ACSM2B: variants seen among roughly 807,000 people sequenced by gnomAD.
ACSM2B encodes acyl-CoA synthetase medium chain family member 2B.
A neutral mutation model predicts 78.6 loss-of-function variants in ACSM2B; 58 were observed. That is an observed-to-expected ratio of 0.74 (90% CI 0.60 to 0.92). The LOEUF (loss-of-function observed/expected upper bound fraction) is 0.92. Ranked by LOEUF, ACSM2B falls within the 40% of genes least tolerant of loss-of-function variation. The pLI is 0.00. For missense variants in ACSM2B, 688 were observed against 711.2 expected, an observed-to-expected ratio of 0.97 and a Z score of 0.37; for synonymous variants, 257 against 256.8, an observed-to-expected ratio of 1.00 and a Z score of -0.01.
rs775811696 is a variant in ACSM2B, at chr16:20,543,292, T to C, written c.1282-30A>G. ...TGACCACAGAAAGACAGAGTCATTG[T>C]GCCTGCAAAGCCTAAATCCCCTGCC... On this transcript the variant is annotated intron_variant, in intron 10 of 13. Coordinates refer to ENST00000329697, the MANE Select transcript of ACSM2B (RefSeq NM_001105069.2). 67 of 1,613,170 alleles carry C rather than the reference T, an allele frequency of 4.2e-5. No individual in the cohort carries two copies. The Admixed American group carries it at 9.7e-4, about 23-fold the overall frequency.
At position 20,543,762 on chromosome 16, in the gene ACSM2B, A is replaced by G. The variant is rs933983861; in HGVS notation, c.1282-500T>C. Among the ~76,000 whole-genome samples, 6 of 152,106 alleles carry G rather than the reference A, an allele frequency of 3.9e-5. 1 individual carries two copies. Among genetic ancestry groups the G allele is most frequent in the Non-Finnish European group, 4.4e-5 (3 of 68,038 alleles). Reference sequence around the variant, plus strand: ...CTATTCAGCTGAGGCACTTGCTTATAAGTAATGAAAAGGCTTGAGCTTTAT... The same window carrying G: ...CTATTCAGCTGAGGCACTTGCTTATGAGTAATGAAAAGGCTTGAGCTTTAT... On this transcript the variant is annotated intron_variant, in intron 10 of 13. Coordinates refer to ENST00000329697, the MANE Select transcript of ACSM2B (RefSeq NM_001105069.2).
rs756798470 is a variant in ACSM2B, at chr16:20,548,163, T to C, written c.997A>G (p.Asn333Asp). 4.3e-6 allele frequency: 7 copies of C among 1,613,876 alleles called. No homozygotes were observed. Among genetic ancestry groups the C allele is most frequent in the Non-Finnish European group, 4.2e-6 (5 of 1,179,938 alleles). Residue 333 changes from asparagine to aspartate, a missense_variant, in exon 8 of 14, where the codon AAC becomes GAC. By Grantham distance (23) the Asn-to-Asp change is conservative. Transcript: ENST00000329697. ...LSSYKFPHLQ[N>D]CLAGGESLLP... ...AGGGACTCCCCTCCAGCGAGGCAGT[T>C]CTGTAGATGGGGGAACTTGTAACTG...
chr16:20,566,767 AG>A (rs2015903083), intron 1 of ACSM2B, among the ~76,000 whole-genome samples: 1 of 47,170 alleles, frequency 2.1e-5, no homozygotes, highest in African/African-American at 7.2e-5. Context: ...TAGTATATAT[AG>A]ATATATAGAT....
Position 20,548,458 on chromosome 16 carries a change from G to T in ACSM2B, c.910C>A (p.Pro304Thr), listed in dbSNP as rs772229711. 1.5e-5 allele frequency: 25 copies of T among 1,613,592 alleles called. No homozygotes were observed. Among genetic ancestry groups the T allele is most frequent in the Non-Finnish European group, 2.1e-5 (25 of 1,179,696 alleles). The change falls in exon 7 of 14, where the codon CCA (proline) becomes ACA (threonine). Residue 304 changes from proline (P) to threonine (T), a missense_variant. By Grantham distance (38) the Pro-to-Thr change is conservative (BLOSUM62 -1). Coordinates refer to ENST00000329697, the MANE Select transcript of ACSM2B (RefSeq NM_001105069.2). ...GGGGCACCCATCATACTCTTGATTG[G>T]ATAACTGGAGAGTGTCTGGAAGACA... is the stretch of plus-strand genomic sequence containing the variant. ...LVILKTLSSYPIKSMMGAPIV... is the reference protein window; with the variant it reads ...LVILKTLSSYTIKSMMGAPIV...
chr16:20,543,927 A>G (rs2015067943), intron 10 of ACSM2B, among the ~76,000 whole-genome samples: 1 of 152,218 alleles, frequency 6.6e-6, no homozygotes, highest in Admixed American at 6.5e-5. Flanking sequence ...GATACTGATG[A>G]TCAGAGACAT....
chr16:20,559,388 T>C lies in ACSM2B; in HGVS notation c.237A>G (p.Leu79=). The C allele has an allele frequency of 6.2e-7, 1 of 1,612,862 alleles. No homozygotes were observed. The highest frequency in any genetic ancestry group is 1.7e-5 in the Admixed American group (1 of 59,954). ...CACTCAGTTCTCTGAAATTCCACAT[T>C]AATTCCTTCCCCTTCCCATTCACCC... ...LWWVNGKGKE[L]MWNFRELSEN... The change falls in exon 3 of 14, where the codon TTA becomes TTG. Residue 79 remains leucine, a synonymous_variant. Coordinates refer to ENST00000329697, the MANE Select transcript of ACSM2B (RefSeq NM_001105069.2).
rs2015900255 is a variant in ACSM2B at position 20,566,758 on chromosome 16, AG to A, written c.-8-1906del. On this transcript the variant is annotated intron_variant, in intron 1 of 13. Coordinates refer to ENST00000329697, the MANE Select transcript of ACSM2B (RefSeq NM_001105069.2). Reference sequence around the variant, plus strand: ...AGTATATACTATATATACTATATATAGTATATATAGATATATAGATACAATA... The same window carrying A: ...AGTATATACTATATATACTATATATATATATATAGATATATAGATACAATA... 1.1e-4 allele frequency among the ~76,000 whole-genome samples: 10 copies of A among 87,454 alleles called. 2 individuals are homozygous for A. In the South Asian group the frequency reaches 2.6e-3, roughly 23 times the overall value. The allele number at this position is 87,454 out of a possible 152,430, so 57.4% of individuals were successfully genotyped here.
rs139822318 is a variant in ACSM2B, at chr16:20,573,172, T to A, written c.-9+3035A>T. Among the ~76,000 whole-genome samples, 128 of 152,034 alleles carry A rather than the reference T, an allele frequency of 8.4e-4. 2 individuals carry two copies. In the East Asian group the frequency reaches 0.024, roughly 29 times the overall value. The stretch of plus-strand genomic sequence containing the variant: ...TATCATATTCCCAGAATCGTTTTCC[T>A]GGTTCCTTCTCATTTGGGTAGGCTA... On this transcript the variant is annotated intron_variant, in intron 1 of 13. Coordinates refer to ENST00000329697, the MANE Select transcript of ACSM2B (RefSeq NM_001105069.2).
Position 20,574,225 on chromosome 16 carries a change from C to T in ACSM2B, c.-9+1982G>A, listed in dbSNP as rs966226995. ...TTTCTGCAAGAAGAAAAATATGGCT[C>T]TATTCTGCCCGACCCCGCAGGCAGT... On this transcript the variant is annotated intron_variant, in intron 1 of 13. Transcript: ENST00000329697. 6 of 152,020 alleles carry T rather than the reference C, an allele frequency of 3.9e-5. No individual in the cohort carries two copies. In the South Asian group the frequency reaches 6.2e-4, roughly 16 times the overall value. 9.4% of individuals were successfully genotyped at this position (152,020 alleles called of 1,614,324 possible).
chr16:20,542,726 T>C, intron 12 of ACSM2B, 188 bp downstream of exon 12: 1 of 700,896 alleles, frequency 1.4e-6, no homozygotes, highest in Non-Finnish European at 2.4e-6. Context: ...CAATCCCTCA[T>C]CTTACAGATG....
At position 20,537,237 on chromosome 16, in the gene ACSM2B, A is replaced by G. The variant is rs368105565; in HGVS notation, c.*21T>C. On this transcript the variant is annotated 3_prime_UTR_variant, in exon 14 of 14. Coordinates refer to ENST00000329697, the MANE Select transcript of ACSM2B (RefSeq NM_001105069.2). The stretch of plus-strand genomic sequence containing the variant: ...GAAAGAGAAAGAAGAGGGGAATCCA[A>G]ATGAATGTCTCCTAGACGCCTCACT... 1.1e-4 allele frequency: 182 copies of G among 1,612,862 alleles called. 1 individual carries two copies. The highest frequency in any genetic ancestry group is 1.5e-4 in the Non-Finnish European group (173 of 1,178,992).
chr16:20,547,407 G>A (rs2015173269), intron 8 of ACSM2B: 3 of 985,110 alleles, frequency 3.0e-6, no homozygotes, highest in South Asian at 9.4e-5. Flanking sequence ...GCTAAAGAAG[G>A]ATGCAGGGTA....
chr16:20,546,863 G>T (rs1282031328), intron 8 of ACSM2B: 1 of 176,970 alleles, frequency 5.7e-6, no homozygotes, highest in Non-Finnish European at 1.1e-5. Context: ...AATTTTTGTG[G>T]TGTATCTATT....
intron 2 of ACSM2B, 88 bp from the exon 3 acceptor site, chr16:20,559,535 G>C (rs2015583307): frequency 6.7e-7 from 1 of 1,487,932 alleles, no homozygotes; most frequent in Non-Finnish European, 9.0e-7. Flanking sequence ...CCAAGCTGGT[G>C]CTTAGTAAGG....
intron 9 of ACSM2B, 126 bp from the exon 10 acceptor site, chr16:20,545,384 C>A: frequency 8.7e-7 from 1 of 1,149,522 alleles, no homozygotes; most frequent in Non-Finnish European, 1.2e-6. Context: ...AAACGACAAC[C>A]AAAAACCAAG....
At position 20,544,979 on chromosome 16, in the gene ACSM2B, T is replaced by C. The variant is rs549900426; in HGVS notation, c.1281+178A>G. On this transcript the variant is annotated intron_variant, in intron 10 of 13. Transcript: ENST00000329697. ...TGAGATCACAGTGATAGGCTGAGGA[T>C]GGCAAGGCTGAATAGCCACTTTTCT... Among the ~76,000 whole-genome samples, 70 of 152,320 alleles carry C rather than the reference T, an allele frequency of 4.6e-4. No homozygotes were observed. The Middle Eastern group carries it at 0.01, about 22-fold the overall frequency.
intron 2 of ACSM2B, among the ~76,000 whole-genome samples, chr16:20,562,857 A>G (rs2015704560): frequency 6.6e-6 from 1 of 152,200 alleles, no homozygotes. Context: ...GATATTTTCC[A>G]GACATTTGCA....
In ACSM2B at chr16:20,555,384, C is replaced by A; in HGVS notation, c.481G>T (p.Asp161Tyr). 6.2e-7 allele frequency: 1 copy of A among 1,613,896 alleles called. No homozygotes were observed. The highest frequency in any genetic ancestry group is 8.5e-7 in the Non-Finnish European group (1 of 1,179,840). ...GTGTCCACTTCTTGGATGACTTCAT[C>A]CCCAGCAACAATAGCCTTGGCCTTA... The part of the protein sequence containing the change: ...MSKAKAIVAG[D>Y]EVIQEVDTVA... Residue 161 changes from aspartate (D) to tyrosine (Y), a missense_variant, in exon 4 of 14, where the codon GAT becomes TAT. Coordinates refer to ENST00000329697, the MANE Select transcript of ACSM2B (RefSeq NM_001105069.2).
At chr16:20,553,461 T>C (rs182164295) in intron 5 of ACSM2B, among the ~76,000 whole-genome samples, 1 of 152,308 alleles carries the variant, frequency 6.6e-6, no homozygotes, top group Admixed American at 6.5e-5. Context: ...CAAAGCAAAT[T>C]GCCAGCATCC....
Sources: gnomAD v4.1 joint callset for allele counts (sites outside exome capture counted in the v4.1 genomes callset) on GRCh38, gnomAD v4.1.1 for gene constraint, MANE v1.5 for transcripts, NCBI Gene and HGNC (gene_info 2026-07-23, HGNC 2026-07-21) for gene names.